Variants in MTUS1 observed in about 807,000 individuals in gnomAD.
MTUS1 encodes microtubule associated scaffold protein 1, also known as microtubule-associated tumor suppressor 1.
Under a neutral mutation model 120.8 loss-of-function variants are expected in MTUS1, and 109 were observed. The observed-to-expected ratio is 0.90, with a 90% CI of 0.77 to 1.06. The LOEUF (loss-of-function observed/expected upper bound fraction) is 1.06. Ranked by LOEUF, MTUS1 falls within the 50% of genes least tolerant of loss-of-function variation. MTUS1 has a pLI of 0.00. For synonymous variants in MTUS1, 737 were observed against 550.5 expected (o/e 1.34, Z -4.74); for missense variants, 2,210 against 1,486.3 (o/e 1.49, Z -8.01).
At chr8:17,758,016 C>T (rs572949042) in intron 1 of MTUS1, 5 of 152,048 alleles carry the variant, frequency 3.3e-5, no homozygotes, top group African/African-American at 1.2e-4. Context: ...GATACGCACA[C>T]ACTTGAACTA....
At chr8:17,789,692 C>T (rs1443633815) in intron 1 of MTUS1, among the ~76,000 whole-genome samples, 1 of 152,146 alleles carries the variant, frequency 6.6e-6, no homozygotes, top group African/African-American at 2.4e-5. Context: ...AAATGATTAC[C>T]TATGTTAGGC....
intron 1 of MTUS1, among the ~76,000 whole-genome samples, chr8:17,796,073 C>T (rs2052202614): frequency 6.6e-6 from 1 of 152,092 alleles, no homozygotes; most frequent in African/African-American, 2.4e-5. Context: ...CCTCAGCCTC[C>T]TGAGTAGCTG....
chr8:17,649,901 A>T lies in MTUS1; in HGVS notation c.3446T>A (p.Ile1149Asn). 1 of 1,612,384 alleles carries T rather than the reference A, an allele frequency of 6.2e-7. No homozygotes were observed. Among genetic ancestry groups the T allele is most frequent in the East Asian group, 2.2e-5 (1 of 44,794 alleles). ...CTGTTGATGCAGTTTCTCATTCTTG[A>T]TCTCTAACACAGCTTTCAGGCTTTC... ...ELESLKAVLE[I>N]KNEKLHQQDI... is the part of the protein sequence containing the mutation. The change falls in exon 13 of 15, where the codon ATC becomes AAC. Residue 1149 changes from isoleucine (I) to asparagine (N), a missense_variant. Ile to Asn is a moderately radical substitution (Grantham distance 149, BLOSUM62 -3). Coordinates refer to ENST00000693296, the MANE Select transcript of MTUS1 (RefSeq NM_001363059.2).
chr8:17,698,117 A>ATGTGG (rs2130887279), intron 6 of MTUS1, among the ~76,000 whole-genome samples: 1 of 152,334 alleles, frequency 6.6e-6, no homozygotes, highest in South Asian at 2.1e-4. Flanking sequence ...TGAGGACCTC[A>ATGTGG]CAAATAATCA....
chr8:17,762,180 G>A (rs899423465), intron 1 of MTUS1, among the ~76,000 whole-genome samples: 1 of 152,152 alleles, frequency 6.6e-6, no homozygotes, highest in African/African-American at 2.4e-5. Context: ...TCAGGAGGCT[G>A]AGGCAGGAGA....
At chr8:17,774,533 T>G (rs1291460133) in intron 1 of MTUS1, among the ~76,000 whole-genome samples, 1 of 152,150 alleles carries the variant, frequency 6.6e-6, no homozygotes, top group Non-Finnish European at 1.5e-5. Flanking sequence ...TTTAGCGAGA[T>G]GCAAATCAAA....
chr8:17,708,961 C>T (rs893442227), intron 6 of MTUS1: 1 of 152,160 alleles, frequency 6.6e-6, no homozygotes, highest in African/African-American at 2.4e-5. Context: ...CACGGTGAAA[C>T]CCCATCTCTA....
intron 8 of MTUS1, among the ~76,000 whole-genome samples, 177 bp from the exon 9 acceptor site, chr8:17,656,242 C>T (rs1034315334): frequency 3.9e-5 from 6 of 152,042 alleles, no homozygotes; most frequent in Non-Finnish European, 7.4e-5. Context: ...AAAAGGAACA[C>T]GAGGGCAGGG....
At chr8:17,648,787 T>G (rs1225071852) in intron 13 of MTUS1, among the ~76,000 whole-genome samples, 1 of 152,216 alleles carries the variant, frequency 6.6e-6, no homozygotes, top group African/African-American at 2.4e-5. Context: ...AATGAGGCAC[T>G]TGTAGAAGCC....
chr8:17,688,486 G>C (rs1816300515), intron 6 of MTUS1, among the ~76,000 whole-genome samples: 1 of 152,208 alleles, frequency 6.6e-6, no homozygotes, highest in South Asian at 2.1e-4. Flanking sequence ...GATGTTTGTG[G>C]GTTGACAAAA....
intron 1 of MTUS1, among the ~76,000 whole-genome samples, chr8:17,789,404 C>T (rs769103350): frequency 4.6e-5 from 7 of 152,172 alleles, no homozygotes; most frequent in South Asian, 4.2e-4. Context: ...GTTTGAGGGA[C>T]GTGGGGGTAG....
At position 17,653,565 on chromosome 8, in the gene MTUS1, T is replaced by TA; in HGVS notation, c.3215-68dup. The TA allele has an allele frequency of 3.5e-6, 4 of 1,131,470 alleles. No homozygotes were observed. In the South Asian group the frequency reaches 5.3e-5, roughly 15 times the overall value. The allele number at this position is 1,131,470 out of a possible 1,614,324, so 70.1% of individuals were successfully genotyped here. On this transcript the variant is annotated intron_variant, in intron 10 of 14. Coordinates refer to ENST00000693296, the MANE Select transcript of MTUS1 (RefSeq NM_001363059.2). ...TGAGATCAATGTACTCTAAAACAGT[T>TA]AAAGCATATAGATGTAGGGGTTGAT... is the stretch of plus-strand genomic sequence containing the variant.
rs1805370145 is a variant in MTUS1 at position 17,644,172 on chromosome 8, G to A, written c.*1754C>T. The A allele has an allele frequency of 6.6e-6, 1 of 152,382 alleles. No homozygotes were observed. The highest frequency in any genetic ancestry group is 6.5e-5 in the Admixed American group (1 of 15,312). 9.4% of individuals were successfully genotyped at this position (152,382 alleles called of 1,614,324 possible). On this transcript the variant is annotated 3_prime_UTR_variant, in exon 15 of 15. Transcript: ENST00000693296. The stretch of plus-strand genomic sequence containing the variant: ...AGCGTGAGCAGAGATATCTCATGAA[G>A]TGGCAGTGAACCTACATTTCCATTT...
At chr8:17,800,360 A>AAT (rs2052583193) in intron 1 of MTUS1, among the ~76,000 whole-genome samples, 1 of 152,174 alleles carries the variant, frequency 6.6e-6, no homozygotes, top group Non-Finnish European at 1.5e-5. Flanking sequence ...AAACAAACAA[A>AAT]ACACACTGGA....
At chr8:17,717,472 G>A (rs1479331059) in intron 4 of MTUS1, among the ~76,000 whole-genome samples, 1 of 152,090 alleles carries the variant, frequency 6.6e-6, no homozygotes, top group Non-Finnish European at 1.5e-5. Flanking sequence ...TCTTAACCAT[G>A]GAATTATAAC....
At chr8:17,758,661 C>T (rs1419637898) in intron 1 of MTUS1, among the ~76,000 whole-genome samples, 1 of 152,222 alleles carries the variant, frequency 6.6e-6, no homozygotes, top group African/African-American at 2.4e-5. Context: ...TTCTGCTTCC[C>T]TAACAGCTAA....
intron 1 of MTUS1, among the ~76,000 whole-genome samples, chr8:17,771,029 A>G (rs1019068386): frequency 3.3e-5 from 5 of 152,204 alleles, no homozygotes; most frequent in African/African-American, 1.2e-4. Flanking sequence ...GTATGCATCT[A>G]TAATATAATT....
intron 6 of MTUS1, among the ~76,000 whole-genome samples, chr8:17,711,136 G>C (rs1024135703): frequency 6.6e-6 from 1 of 152,142 alleles, no homozygotes; most frequent in African/African-American, 2.4e-5. Context: ...TTTTCAGAAT[G>C]GTAAGTGAAC....
At chr8:17,742,297 T>TAG (rs1563302478) in intron 3 of MTUS1, among the ~76,000 whole-genome samples, 2 of 142,190 alleles carry the variant, frequency 1.4e-5, no homozygotes, top group Admixed American at 6.9e-5. Context: ...TGTTGTTTTT[T>TAG]TTTTTTTTTT....
Sources: allele counts gnomAD v4.1 joint callset (sites outside exome capture counted in the v4.1 genomes callset), GRCh38; gene constraint gnomAD v4.1.1; transcripts MANE v1.5; gene names NCBI Gene and HGNC (gene_info 2026-07-23, HGNC 2026-07-21).